Variants in CHID1 observed in about 807,000 individuals in gnomAD.
CHID1 encodes chitinase domain-containing protein 1.
Under a neutral mutation model 55.4 loss-of-function variants are expected in CHID1, and 44 were observed. The observed-to-expected ratio is 0.79, with a 90% confidence interval of 0.62 to 1.02. CHID1 has a LOEUF of 1.02. CHID1 is among the 50% of genes least tolerant of loss of function. The pLI is 0.00. For missense variants in CHID1, 491 were observed against 515.3 expected (o/e 0.95, Z 0.46); for synonymous variants, 216 against 212.9 (o/e 1.01, Z -0.13).
At chr11:899,915 G>C in intron 6 of CHID1, 89 bp downstream of exon 6, 1 of 873,150 alleles carries the variant, frequency 1.1e-6, no homozygotes, top group Admixed American at 2.0e-5. Flanking sequence ...CAGAAAAGCC[G>C]AGTGGAGGCC....
At chr11:883,452 A>G (rs563876293) in intron 9 of CHID1, 149 bp from the exon 10 acceptor site, 3 of 844,942 alleles carry the variant, frequency 3.6e-6, no homozygotes, top group Non-Finnish European at 5.4e-6. Flanking sequence ...CCCATCAGAA[A>G]GGGCTGTCAG....
chr11:876,831 G>C (rs541495109), intron 10 of CHID1, among the ~76,000 whole-genome samples: 4 of 152,364 alleles, frequency 2.6e-5, no homozygotes, highest in Admixed American at 1.3e-4. Context: ...AGGTCTCTAG[G>C]CAGGGACAGA....
intron 10 of CHID1, among the ~76,000 whole-genome samples, chr11:880,142 AC>A (rs1273958848): frequency 1.3e-5 from 2 of 152,176 alleles, no homozygotes; most frequent in African/African-American, 4.8e-5. Context: ...GGAACAGGGG[AC>A]CCAAACGAGC....
chr11:878,609 T>C (rs1849675935), intron 10 of CHID1, among the ~76,000 whole-genome samples: 1 of 152,078 alleles, frequency 6.6e-6, no homozygotes, highest in South Asian at 2.1e-4. Flanking sequence ...CAGTTTCAGG[T>C]ATTCTGTTAT....
At position 884,160 on chromosome 11, in the gene CHID1, C is replaced by T. The variant is rs201116368; in HGVS notation, c.711G>A (p.Gln237=). Reference sequence around the variant, plus strand: ...ACTCCTTGTGCGTGAACATGCCCAGCTGGTCGGTCCTGTAACAGACAGGTG... The same window carrying T: ...ACTCCTTGTGCGTGAACATGCCCAGTTGGTCGGTCCTGTAACAGACAGGTG... The part of the protein sequence containing the change: ...IPPAITPGTD[Q]LGMFTHKEFE... Residue 237 remains glutamine (Q), a synonymous_variant, in exon 9 of 13, where the codon CAG becomes CAA. Transcript: ENST00000323578. The T allele has an allele frequency of 7.9e-5, 128 of 1,613,946 alleles. 3 individuals are homozygous for T. In the Middle Eastern group the frequency reaches 1.8e-3, roughly 23 times the overall value.
chr11:875,467 G>A lies in CHID1; in HGVS notation c.960-4968C>T, dbSNP rs891313513. On this transcript the variant is annotated intron_variant, in intron 10 of 12. Coordinates refer to ENST00000323578, the MANE Select transcript of CHID1 (RefSeq NM_023947.4). The surrounding 1 kb of genome is among the most constrained non-coding windows in gnomAD (Gnocchi z 4.7). The stretch of plus-strand genomic sequence containing the variant: ...CAGGAGCTGCTGCTAGTCAGCCAAG[G>A]CTCCCAGAGGCACAAGCTGTAGACA... 6.6e-6 allele frequency among the ~76,000 whole-genome samples: 1 copy of A among 152,230 alleles called. No homozygotes were observed. The highest frequency in any genetic ancestry group is 1.5e-5 in the Non-Finnish European group (1 of 68,040).
Position 883,155 on chromosome 11 carries a change from C to G in CHID1, c.952G>C (p.Gly318Arg), listed in dbSNP as rs761220629. 19 of 1,610,182 alleles carry G rather than the reference C, an allele frequency of 1.2e-5. No individual in the cohort carries two copies. The highest frequency in any genetic ancestry group is 2.2e-5 in the East Asian group (1 of 44,750). ...TSKDAREPVV[G>R]ARYIQTLKDH... ...GGAGAGCCCTTGGCTCACCTGGCCCCGACAACAGGCTCACGGGCATCCTTG... is the reference window on the plus strand; with the variant it reads ...GGAGAGCCCTTGGCTCACCTGGCCCGGACAACAGGCTCACGGGCATCCTTG... Residue 318 changes from glycine (G) to arginine (R), a missense_variant, in exon 10 of 13, where the codon GGG becomes CGG. Physicochemically the swap from Gly to Arg is moderately radical, Grantham distance 125. Transcript: ENST00000323578.
rs560853222 is a variant in CHID1 at position 870,011 on chromosome 11, G to T, written c.1084-55C>A. Reference sequence around the variant, plus strand: ...CTGGGGCCTGTCCCCCCAACACCCAGGGATGTCCTCCAGGCCGAGGGGCAG... The same window carrying T: ...CTGGGGCCTGTCCCCCCAACACCCATGGATGTCCTCCAGGCCGAGGGGCAG... On this transcript the variant is annotated intron_variant, in intron 12 of 12. Transcript: ENST00000323578. The T allele has an allele frequency of 9.4e-5, 151 of 1,607,468 alleles. 1 individual carries two copies. Among genetic ancestry groups the T allele is most frequent in the South Asian group, 9.2e-4 (84 of 90,956 alleles).
Position 891,956 on chromosome 11 carries a change from A to C in CHID1, c.701+1471T>G, listed in dbSNP as rs866484376. ...TCATTTCCAAAAAAAAAAAAAAAAA[A>C]AAAACACAAATTAACTGGGTGTGGT... On this transcript the variant is annotated intron_variant, in intron 8 of 12. Coordinates refer to ENST00000323578, the MANE Select transcript of CHID1 (RefSeq NM_023947.4). Among the ~76,000 whole-genome samples, 141 of 151,696 alleles carry C rather than the reference A, an allele frequency of 9.3e-4. No individual in the cohort carries two copies. In the Middle Eastern group the frequency reaches 0.01, roughly 11 times the overall value.
intron 7 of CHID1, among the ~76,000 whole-genome samples, chr11:894,572 G>A (rs1458821080): frequency 6.6e-6 from 1 of 152,222 alleles, no homozygotes; most frequent in Admixed American, 6.5e-5. Context: ...CCGCACGTAG[G>A]AGACTGTCAC....
intron 10 of CHID1, among the ~76,000 whole-genome samples, chr11:871,157 A>G (rs1271039107): frequency 6.6e-6 from 1 of 151,862 alleles, no homozygotes. Flanking sequence ...TGCCCGACTA[A>G]TTTTTGTTAT....
At position 883,278 on chromosome 11, in the gene CHID1, A is replaced by G. The variant is rs777043780; in HGVS notation, c.829T>C (p.Trp277Arg). Residue 277 changes from tryptophan (W) to arginine (R), a missense_variant, in exon 10 of 13, where the codon TGG becomes CGG. By Grantham distance (101) the Trp-to-Arg change is moderately radical (BLOSUM62 -3). Transcript: ENST00000323578. ...HQPGPNAPLS[W>R]VRACVQVLDP... ...AGGACCTGGACGCAGGCTCGAACCCAGGACAGGGGTGCATTAGGGCCAGGC... is the reference window on the plus strand; with the variant it reads ...AGGACCTGGACGCAGGCTCGAACCCGGGACAGGGGTGCATTAGGGCCAGGC... The G allele has an allele frequency of 6.2e-7, 1 of 1,613,870 alleles. No homozygotes were observed. The highest frequency in any genetic ancestry group is 1.1e-5 in the South Asian group (1 of 91,086).
intron 10 of CHID1, among the ~76,000 whole-genome samples, chr11:870,909 T>C (rs1034077079): frequency 2.0e-5 from 3 of 151,712 alleles, no homozygotes; most frequent in Non-Finnish European, 4.4e-5. Context: ...CTGCTGGCCC[T>C]GGACTGATGG....
At chr11:902,833 G>C in intron 3 of CHID1, 129 bp downstream of exon 3, 5 of 850,760 alleles carry the variant, frequency 5.9e-6, no homozygotes, top group Non-Finnish European at 7.2e-6. Context: ...TAGCCTCACA[G>C]CAGCAGCAGC....
upstream of CHID1, chr11:914,439 C>T (rs1852843392): frequency 3.0e-6 from 3 of 1,006,912 alleles, no homozygotes; most frequent in Admixed American, 2.3e-5. Flanking sequence ...AGGGCAGGGG[C>T]AGGCCGGTGG....
At chr11:899,195 T>A (rs1443814931) in intron 7 of CHID1, 145 bp downstream of exon 7, 1 of 736,406 alleles carries the variant, frequency 1.4e-6, no homozygotes, top group African/African-American at 1.8e-5. Flanking sequence ...TGAGCAGGTG[T>A]CCATCTTTTG....
chr11:878,802 A>T (rs969561231), intron 10 of CHID1, among the ~76,000 whole-genome samples: 3 of 150,432 alleles, frequency 2.0e-5, no homozygotes, highest in Admixed American at 2.0e-4. Context: ...CCCGGGTCCA[A>T]GTGATTCTCC....
At chr11:883,969 C>G in intron 9 of CHID1, 99 bp downstream of exon 9, 2 of 939,202 alleles carry the variant, frequency 2.1e-6, no homozygotes, top group Middle Eastern at 2.3e-4. Flanking sequence ...GAACCACAGG[C>G]AAGAGGGCAT....
chr11:896,976 A>G (rs910440064), intron 7 of CHID1, among the ~76,000 whole-genome samples: 1 of 50,784 alleles, frequency 2.0e-5, no homozygotes. Context: ...CTGTCTCAGC[A>G]CCCCCAGCCT....
Sources: gnomAD v4.1 joint callset for allele counts (sites outside exome capture counted in the v4.1 genomes callset) on GRCh38, gnomAD v4.1.1 for gene constraint, Gnocchi (gnomAD v3.1) non-coding constraint, MANE v1.5 for transcripts, NCBI Gene and HGNC (gene_info 2026-07-23, HGNC 2026-07-21) for gene names.